DNAH3: variants seen among roughly 807,000 people sequenced by gnomAD.
The protein encoded by DNAH3 is dynein axonemal heavy chain 3.
DNAH3 carries 332 observed loss-of-function variants against 432.5 expected under a neutral mutation model. The ratio of observed to expected loss-of-function variants is 0.77; its 90% CI spans 0.70 to 0.84. The LOEUF (loss-of-function observed/expected upper bound fraction) is 0.84. Among genes scored for constraint, DNAH3 ranks in the 40% least tolerant of loss-of-function variants. DNAH3 has a pLI of 0.00. For missense variants in DNAH3, 4,861 were observed against 5,114.0 expected (o/e 0.95, Z 1.51); for synonymous variants, 1,956 against 1,900.2 (o/e 1.03, Z -0.76).
intron 8 of DNAH3, 91 bp downstream of exon 9, chr16:21,127,596 C>T: frequency 6.7e-7 from 1 of 1,481,628 alleles, no homozygotes; most frequent in Non-Finnish European, 9.1e-7. Context: ...GCCAGTGGGA[C>T]AAACCCCAGG....
chr16:21,096,134 AT>A (rs11286672), intron 18 of DNAH3, among the ~76,000 whole-genome samples: 50,858 of 139,838 alleles, frequency 0.36, 9,870 homozygotes, highest in Non-Finnish European at 0.47. Context: ...AGGGTCTCTG[AT>A]TTTTTTTTTT....
intron 52 of DNAH3, among the ~76,000 whole-genome samples, chr16:20,969,438 C>T (rs2085228857): frequency 6.6e-6 from 1 of 152,174 alleles, no homozygotes; most frequent in Admixed American, 6.5e-5. Flanking sequence ...CTCTCTCTCT[C>T]TCTCTCTGTA....
chr16:21,062,466 G>A lies in DNAH3; in HGVS notation c.3720+16C>T. 6.2e-7 allele frequency: 1 copy of A among 1,611,372 alleles called. No homozygotes were observed. The highest frequency in any genetic ancestry group is 8.5e-7 in the Non-Finnish European group (1 of 1,177,634). On this transcript the variant is annotated intron_variant, in intron 25 of 61. Transcript: ENST00000261383. ...TGTTATGGAGAAAAGAACCAAAAAT[G>A]GGTAAGAGGAGTTACCTTGGCATTA...
chr16:21,096,443 AT>A (rs2091683201), intron 18 of DNAH3, among the ~76,000 whole-genome samples: 1 of 151,882 alleles, frequency 6.6e-6, no homozygotes, highest in South Asian at 2.1e-4. Context: ...AGGATCTCTG[AT>A]TTTGTCCTCT....
chr16:20,963,222 T>G, intron 53 of DNAH3, 62 bp downstream of exon 53: 1 of 1,493,644 alleles, frequency 6.7e-7, no homozygotes, highest in Admixed American at 1.8e-5. Flanking sequence ...AGGGACGGGC[T>G]ACTGATATCC....
At chr16:21,055,017 G>C (rs2090083677) in intron 27 of DNAH3, among the ~76,000 whole-genome samples, 1 of 149,996 alleles carries the variant, frequency 6.7e-6, no homozygotes, top group African/African-American at 2.5e-5. Context: ...TCCCAAACTG[G>C]AAACTTTTTC....
chr16:21,131,403 C>T (rs956865069), intron 7 of DNAH3, among the ~76,000 whole-genome samples: 21 of 136,182 alleles, frequency 1.5e-4, no homozygotes, highest in African/African-American at 5.6e-4. Flanking sequence ...GAAGGACAAA[C>T]AGGGTCAAAG....
chr16:21,048,417 C>T (rs927810189), intron 31 of DNAH3, among the ~76,000 whole-genome samples: 1 of 152,152 alleles, frequency 6.6e-6, no homozygotes, highest in African/African-American at 2.4e-5. Context: ...GCGCAGTATT[C>T]GGGTGGGAGT....
chr16:20,959,083 T>G, intron 54 of DNAH3, 96 bp downstream of exon 54: 2 of 1,320,580 alleles, frequency 1.5e-6, no homozygotes, highest in South Asian at 2.6e-5. Flanking sequence ...TGAAAGTTTC[T>G]AAGGGGCAGG....
At position 21,111,603 on chromosome 16, in the gene DNAH3, TTGTC is replaced by T. The variant is rs780123450; in HGVS notation, c.2099+19_2099+22del. ...AGTTGGTGCCAAATACCATTGCTATTTGTCTGCACAGAATTACAATACCTGGTAT... is the reference window on the plus strand; with the variant it reads ...AGTTGGTGCCAAATACCATTGCTATTTGCACAGAATTACAATACCTGGTAT... On this transcript the variant is annotated intron_variant, in intron 14 of 61. Transcript: ENST00000261383. The T allele has an allele frequency of 1.4e-4, 220 of 1,596,300 alleles. No homozygotes were observed. The African/African-American group carries it at 2.4e-3, about 17-fold the overall frequency.
intron 32 of DNAH3, among the ~76,000 whole-genome samples, chr16:21,040,552 G>C (rs1040258632): frequency 6.6e-6 from 1 of 151,594 alleles, no homozygotes; most frequent in Admixed American, 6.6e-5. Flanking sequence ...TTCTAGTAGA[G>C]ATGGGGTTTC....
chr16:21,150,230 AT>A (rs66585774), intron 1 of DNAH3, 59 bp downstream of exon 2: 27,318 of 363,740 alleles, frequency 0.075, 546 homozygotes, highest in South Asian at 0.14. Context: ...CTGTCTCAAA[AT>A]AAAAAATAAA....
chr16:21,139,443 A>G (rs2152827696), intron 5 of DNAH3, among the ~76,000 whole-genome samples: 1 of 145,060 alleles, frequency 6.9e-6, no homozygotes, highest in South Asian at 2.2e-4. Context: ...ACCAAGGGAT[A>G]GGTTGTCTTG....
intron 19 of DNAH3, among the ~76,000 whole-genome samples, chr16:21,085,124 A>G (rs2091320810): frequency 6.6e-6 from 1 of 151,950 alleles, no homozygotes; most frequent in Non-Finnish European, 1.5e-5. Context: ...CACGCCTGTA[A>G]TCCCAGCACT....
intron 37 of DNAH3, among the ~76,000 whole-genome samples, chr16:21,029,766 T>C (rs1441648993): frequency 6.6e-6 from 1 of 152,246 alleles, no homozygotes; most frequent in African/African-American, 2.4e-5. Flanking sequence ...CAGTTTGGAC[T>C]CCTAACTCTA....
intron 18 of DNAH3, among the ~76,000 whole-genome samples, chr16:21,088,279 T>G (rs1473370519): frequency 6.6e-6 from 1 of 152,112 alleles, no homozygotes; most frequent in Non-Finnish European, 1.5e-5. Context: ...ACGCAACAAG[T>G]GAGTAGCCTG....
At chr16:21,134,288 C>G (rs1327235844) in exon 7 of DNAH3, 2 of 1,613,264 alleles carry the variant, frequency 1.2e-6, no homozygotes, top group Admixed American at 1.7e-5. Context: ...TCAGCCTGAG[C>G]ATCATGGGGT....
chr16:21,027,218 A>T (rs1275056319), intron 37 of DNAH3, 91 bp from the exon 38 acceptor site: 17 of 883,008 alleles, frequency 1.9e-5, no homozygotes, highest in Non-Finnish European at 3.0e-5. Context: ...AGCTGGTTTG[A>T]TTCATTCCAT....
At chr16:21,153,679 ACCCACCAGAAG>A (rs201309664) in intron 1 of DNAH3, among the ~76,000 whole-genome samples, 1 of 152,086 alleles carries the variant, frequency 6.6e-6, no homozygotes, top group African/African-American at 2.4e-5. Flanking sequence ...GAGACCAGAA[ACCCACCAGAAG>A]GAAGAAACTC....
Sources: gnomAD v4.1 joint callset for allele counts (sites outside exome capture counted in the v4.1 genomes callset) on GRCh38, gnomAD v4.1.1 for gene constraint, MANE v1.5 for transcripts, NCBI Gene and HGNC (gene_info 2026-07-23, HGNC 2026-07-21) for gene names.